The following MAPRE3 variants were observed in gnomAD, a reference collection of about 807,000 sequenced individuals.
MAPRE3 encodes microtubule-associated protein RP/EB family member 3.
Under a neutral mutation model 30.5 loss-of-function variants are expected in MAPRE3, and 2 were observed. That is an observed-to-expected ratio of 0.07 (90% CI 0.03 to 0.21). The LOEUF (loss-of-function observed/expected upper bound fraction) is 0.21, where lower values mean the gene tolerates loss of function less well. MAPRE3 is among the 10% of genes least tolerant of loss of function. The pLI is 1.00. For missense variants in MAPRE3, 204 were observed against 351.8 expected (o/e 0.58, Z 3.36); for synonymous variants, 110 against 127.7 (o/e 0.86, Z 0.93).
intron 1 of MAPRE3, among the ~76,000 whole-genome samples, chr2:27,014,265 G>C (rs977459213): frequency 6.6e-6 from 1 of 152,202 alleles, no homozygotes; most frequent in African/African-American, 2.4e-5. Context: ...GTTATGGTCA[G>C]ATAGGGTGAC....
At chr2:26,974,845 G>T (rs949073735) in intron 1 of MAPRE3, among the ~76,000 whole-genome samples, 1 of 152,194 alleles carries the variant, frequency 6.6e-6, no homozygotes, top group African/African-American at 2.4e-5. Flanking sequence ...AAATAGCAAT[G>T]ATTATTTTAT....
At chr2:26,983,588 A>T (rs555423410) in intron 1 of MAPRE3, among the ~76,000 whole-genome samples, 2 of 152,304 alleles carry the variant, frequency 1.3e-5, no homozygotes, top group East Asian at 3.9e-4. Flanking sequence ...ACTTAAGAAG[A>T]TCCCATTTGT....
At chr2:26,991,965 T>TCAC (rs1339132581) in intron 1 of MAPRE3, among the ~76,000 whole-genome samples, 7 of 152,122 alleles carry the variant, frequency 4.6e-5, no homozygotes, top group Non-Finnish European at 1.0e-4. Context: ...TCCCTGCCTT[T>TCAC]CACCACCACC....
intron 1 of MAPRE3, chr2:27,013,111 A>C (rs1297846968): frequency 6.6e-6 from 1 of 152,602 alleles, no homozygotes; most frequent in African/African-American, 2.4e-5. Context: ...TAATTAAAAA[A>C]ACATCAGACC....
intron 1 of MAPRE3, among the ~76,000 whole-genome samples, chr2:26,998,977 G>A (rs922563548): frequency 5.3e-5 from 8 of 152,184 alleles, no homozygotes; most frequent in African/African-American, 1.9e-4. Flanking sequence ...CTGTCAGCTA[G>A]TGCTCACAGA....
At chr2:26,996,733 G>A (rs1438204808) in intron 1 of MAPRE3, 1 of 152,198 alleles carries the variant, frequency 6.6e-6, no homozygotes, top group East Asian at 1.9e-4. Context: ...CGTGAACCTG[G>A]GAGGCGGAGC....
intron 1 of MAPRE3, among the ~76,000 whole-genome samples, chr2:26,982,413 T>C (rs1666134968): frequency 6.6e-6 from 1 of 152,246 alleles, no homozygotes. Context: ...CTGCTTTCTT[T>C]CCAGGGCCTT....
chr2:27,024,080 A>G lies in MAPRE3; in HGVS notation c.268-16A>G. ...AGCAGGTGGCTAAAGTACTCTGCTT[A>G]TGTGGTCTATTTCAGATCATTCCTG... is the stretch of plus-strand genomic sequence containing the variant. On this transcript the variant is annotated splice_polypyrimidine_tract_variant and intron_variant, in intron 3 of 6. Coordinates refer to ENST00000233121, the MANE Select transcript of MAPRE3 (RefSeq NM_012326.4). 1 of 1,603,956 alleles carries G rather than the reference A, an allele frequency of 6.2e-7. No individual in the cohort carries two copies. The highest frequency in any genetic ancestry group is 2.2e-5 in the East Asian group (1 of 44,820).
intron 1 of MAPRE3, among the ~76,000 whole-genome samples, chr2:27,021,993 TAATTAACTTGG>T (rs1449414873): frequency 2.0e-5 from 3 of 152,220 alleles, no homozygotes; most frequent in Admixed American, 6.5e-5. Context: ...GGCCATTTCT[TAATTAACTTGG>T]AATTACTGGC....
intron 1 of MAPRE3, among the ~76,000 whole-genome samples, chr2:26,978,026 C>T (rs572760620): frequency 4.6e-5 from 7 of 152,330 alleles, no homozygotes; most frequent in African/African-American, 1.7e-4. Context: ...GGTCTGGCTA[C>T]CCAAATACTT....
chr2:26,996,527 G>A (rs995791631), intron 1 of MAPRE3, among the ~76,000 whole-genome samples: 10 of 152,104 alleles, frequency 6.6e-5, no homozygotes. Context: ...CCAGGGCCGG[G>A]CGCGGTGGTT....
At position 27,025,655 on chromosome 2, in the gene MAPRE3, C is replaced by A. The variant is rs781227628; in HGVS notation, c.542C>A (p.Pro181His). Residue 181 changes from proline to histidine, a missense_variant, in exon 5 of 7, where the codon CCC becomes CAC. Around this residue, in one of 5 missense-constraint regions of MAPRE3, gnomAD observed 32 missense variants for 20.7 expected, o/e 1.55. Transcript: ENST00000233121. ...GGCCGGCTGAGCAATGTGGCCCCCCCCTGCATTCTCCGGAAGAATCCTCCA... is the reference window on the plus strand; with the variant it reads ...GGCCGGCTGAGCAATGTGGCCCCCCACTGCATTCTCCGGAAGAATCCTCCA... Reference protein sequence around the residue: ...TSGRLSNVAPPCILRKNPPSA... With the variant: ...TSGRLSNVAPHCILRKNPPSA... 2.5e-5 allele frequency: 41 copies of A among 1,611,960 alleles called. No homozygotes were observed. The highest frequency in any genetic ancestry group is 6.7e-5 in the Admixed American group (4 of 59,812).
At chr2:26,973,648 G>C (rs916012573) in intron 1 of MAPRE3, among the ~76,000 whole-genome samples, 58 of 150,466 alleles carry the variant, frequency 3.9e-4, no homozygotes, top group Non-Finnish European at 6.2e-4. Context: ...TCCGCTTCCC[G>C]GGGTTCACGC....
Position 27,025,649 on chromosome 2 carries a change from C to T in MAPRE3, c.536C>T (p.Ala179Val). The change falls in exon 5 of 7, where the codon GCC (alanine) becomes GTC (valine). Residue 179 changes from alanine (A) to valine (V), a missense_variant. Transcript: ENST00000233121. The part of the protein sequence containing the change: ...MQTSGRLSNV[A>V]PPCILRKNPP... Reference sequence around the variant, plus strand: ...ACCTCTGGCCGGCTGAGCAATGTGGCCCCCCCCTGCATTCTCCGGAAGAAT... The same window carrying T: ...ACCTCTGGCCGGCTGAGCAATGTGGTCCCCCCCTGCATTCTCCGGAAGAAT... The T allele has an allele frequency of 6.2e-7, 1 of 1,605,168 alleles. No individual in the cohort carries two copies. The highest frequency in any genetic ancestry group is 8.5e-7 in the Non-Finnish European group (1 of 1,175,582).
At chr2:26,974,576 C>A (rs949163909) in intron 1 of MAPRE3, among the ~76,000 whole-genome samples, 2 of 152,146 alleles carry the variant, frequency 1.3e-5, no homozygotes, top group African/African-American at 4.8e-5. Flanking sequence ...CAGAATGGAA[C>A]CTTTTGTAGT....
intron 1 of MAPRE3, among the ~76,000 whole-genome samples, chr2:27,017,676 C>T (rs911529264): frequency 2.0e-5 from 3 of 152,156 alleles, no homozygotes; most frequent in Admixed American, 2.0e-4. Context: ...GCAGAACATC[C>T]CAATGTTCCA....
intron 1 of MAPRE3, among the ~76,000 whole-genome samples, chr2:26,989,775 G>C (rs920434): frequency 6.6e-6 from 1 of 152,204 alleles, no homozygotes; most frequent in Non-Finnish European, 1.5e-5. Flanking sequence ...GTGAATACTC[G>C]CTATCACATA....
At position 27,024,237 on chromosome 2, in the gene MAPRE3, C is replaced by T. The variant is rs1667180305; in HGVS notation, c.409C>T (p.Pro137Ser). The part of the protein sequence containing the change: ...LLARQGQDVA[P>S]PPNPGDQIFN... ...GGCGCGGCAGGGCCAGGACGTAGCG[C>T]CACCTCCTAACCCAGGTGATCAGAT... The change falls in exon 4 of 7, where the codon CCA becomes TCA. Residue 137 changes from proline to serine, a missense_variant. Pro to Ser is a moderately conservative substitution (Grantham distance 74, BLOSUM62 -1). Around this residue, in one of 5 missense-constraint regions of MAPRE3, gnomAD observed 101 missense variants for 205.4 expected, o/e 0.49. Coordinates refer to ENST00000233121, the MANE Select transcript of MAPRE3 (RefSeq NM_012326.4). The T allele has an allele frequency of 5.0e-5, 81 of 1,614,110 alleles. No individual in the cohort carries two copies. Among genetic ancestry groups the T allele is most frequent in the Non-Finnish European group, 6.9e-5 (81 of 1,180,034 alleles).
chr2:27,018,195 C>T lies in MAPRE3; in HGVS notation c.-7-4017C>T, dbSNP rs192602960. ...GCCAACCTAAGACTACTCCTTGCCC[C>T]CAGAACCACCCAAGACCAGATCAGC... On this transcript the variant is annotated intron_variant, in intron 1 of 6. Transcript: ENST00000233121. Among the ~76,000 whole-genome samples, 451 of 152,320 alleles carry T rather than the reference C, an allele frequency of 3.0e-3. 3 individuals are homozygous for T. Among genetic ancestry groups the T allele is most frequent in the Non-Finnish European group, 4.6e-3 (313 of 68,020 alleles).
Sources: gnomAD v4.1 joint callset for allele counts (sites outside exome capture counted in the v4.1 genomes callset) on GRCh38, gnomAD v4.1.1 for gene constraint, gnomAD v4.1.1 regional missense constraint, MANE v1.5 for transcripts, NCBI Gene and HGNC (gene_info 2026-07-23, HGNC 2026-07-21) for gene names.